Variants in CDH12 observed in about 807,000 individuals in gnomAD.
The protein encoded by CDH12 is cadherin 12, also known as cadherin-12.
CDH12 carries 41 observed loss-of-function variants against 74.1 expected under a neutral mutation model. That is an observed-to-expected ratio of 0.55 (90% CI 0.43 to 0.72). The LOEUF (loss-of-function observed/expected upper bound fraction) is 0.72, where lower values mean the gene tolerates loss of function less well. Among genes scored for constraint, CDH12 ranks in the 30% least tolerant of loss-of-function variants. The pLI, the probability that CDH12 is intolerant of heterozygous loss-of-function variation, is 0.00. For synonymous variants in CDH12, 399 were observed against 355.0 expected (o/e 1.12, Z -1.39); for missense variants, 945 against 977.2 (o/e 0.97, Z 0.44).
At chr5:22,061,874 A>G (rs1437080547) in intron 5 of CDH12, among the ~76,000 whole-genome samples, 3 of 152,152 alleles carry the variant, frequency 2.0e-5, no homozygotes, top group Admixed American at 6.6e-5. Context: ...ACATGTGCAT[A>G]AGTGCTTTCA....
rs76232511 is a variant in CDH12, at chr5:22,459,481, T to A, written c.-428+45789A>T. ...AAATTTACTGTGTGAGACAAGAGTA[T>A]GTCAAAGAAATGTAAAGATTAGGAG... On this transcript the variant is annotated intron_variant, in intron 2 of 14. Coordinates refer to ENST00000382254, the MANE Select transcript of CDH12 (RefSeq NM_004061.5). 6.6e-4 allele frequency among the ~76,000 whole-genome samples: 100 copies of A among 152,272 alleles called. 1 individual carries two copies. In the East Asian group the frequency reaches 0.018, roughly 28 times the overall value.
chr5:22,594,289 C>T (rs1736487107), intron 1 of CDH12, among the ~76,000 whole-genome samples: 1 of 152,174 alleles, frequency 6.6e-6, no homozygotes, highest in Non-Finnish European at 1.5e-5. Context: ...GACAGCATGC[C>T]TGTGATGGGT....
At chr5:21,967,544 G>A (rs890567311) in intron 6 of CDH12, among the ~76,000 whole-genome samples, 3 of 152,044 alleles carry the variant, frequency 2.0e-5, no homozygotes, top group Non-Finnish European at 4.4e-5. Flanking sequence ...AATGCTTAGA[G>A]TCATTTGGTG....
At chr5:22,568,191 A>G (rs909604792) in intron 1 of CDH12, among the ~76,000 whole-genome samples, 5 of 152,208 alleles carry the variant, frequency 3.3e-5, no homozygotes, top group African/African-American at 1.2e-4. Flanking sequence ...GAAATTCTAC[A>G]CTAATGGGAG....
intron 3 of CDH12, among the ~76,000 whole-genome samples, chr5:22,403,386 T>G (rs1244267161): frequency 6.6e-6 from 1 of 152,202 alleles, no homozygotes; most frequent in Non-Finnish European, 1.5e-5. Context: ...TCCAGAGAAT[T>G]AATCAATCAA....
rs144422172 is a variant in CDH12 at position 22,617,153 on chromosome 5, A to C, written c.-522-111789T>G. 3.6e-3 allele frequency among the ~76,000 whole-genome samples: 550 copies of C among 152,022 alleles called. 1 individual carries two copies. The highest frequency in any genetic ancestry group is 0.01 in the African/African-American group (423 of 41,484). On this transcript the variant is annotated intron_variant, in intron 1 of 14. Coordinates refer to ENST00000382254, the MANE Select transcript of CDH12 (RefSeq NM_004061.5). ...CCTCCTAAAGTGCTGGGATTAAAGA[A>C]ATGAGCCACCATGCCTGGCTGGATT...
chr5:22,143,753 A>G (rs1434791189), intron 4 of CDH12: 1 of 152,224 alleles, frequency 6.6e-6, no homozygotes, highest in African/African-American at 2.4e-5. Flanking sequence ...AGTAGAAGAA[A>G]AAAAATCTTT....
At chr5:22,572,687 T>G (rs1353468294) in intron 1 of CDH12, among the ~76,000 whole-genome samples, 2 of 152,186 alleles carry the variant, frequency 1.3e-5, no homozygotes, top group Non-Finnish European at 2.9e-5. Flanking sequence ...TTTGGTTGAA[T>G]ACTGAAAGGG....
intron 3 of CDH12, among the ~76,000 whole-genome samples, chr5:22,365,505 T>C (rs1370833781): frequency 1.3e-5 from 2 of 152,174 alleles, no homozygotes; most frequent in African/African-American, 4.8e-5. Context: ...CTTAAGAAGA[T>C]AAATTATATA....
intron 11 of CDH12, among the ~76,000 whole-genome samples, chr5:21,777,666 T>G (rs1453333972): frequency 6.6e-6 from 1 of 152,050 alleles, no homozygotes; most frequent in East Asian, 1.9e-4. Context: ...AATTTTTGTG[T>G]TTTTAGTAGA....
At chr5:22,160,657 T>A (rs1319758175) in intron 4 of CDH12, among the ~76,000 whole-genome samples, 3 of 152,226 alleles carry the variant, frequency 2.0e-5, no homozygotes, top group Non-Finnish European at 4.4e-5. Flanking sequence ...GCTGATTTAG[T>A]GTCTGGTGAG....
At chr5:22,028,527 T>C (rs2150169917) in intron 5 of CDH12, among the ~76,000 whole-genome samples, 1 of 152,076 alleles carries the variant, frequency 6.6e-6, no homozygotes, top group East Asian at 1.9e-4. Flanking sequence ...TCAAAGAGAA[T>C]AAAATACCCA....
chr5:22,628,672 C>A (rs1490997080), intron 1 of CDH12, among the ~76,000 whole-genome samples: 4 of 152,074 alleles, frequency 2.6e-5, no homozygotes, highest in Non-Finnish European at 5.9e-5. Flanking sequence ...AACAACATAA[C>A]ATTACACTTA....
rs7731087 is a variant in CDH12, at chr5:22,793,939, A to G, written c.-523+59119T>C. Among the ~76,000 whole-genome samples the G allele has an allele frequency of 4.4e-3, 677 of 152,242 alleles. 5 individuals are homozygous for G. Among genetic ancestry groups the G allele is most frequent in the African/African-American group, 0.015 (639 of 41,520 alleles). ...TTGATATTAGCAATCTGCATGTCCT[A>G]TAAGAATCATCACAAGTTTTCTAGC... On this transcript the variant is annotated intron_variant, in intron 1 of 14. Coordinates refer to ENST00000382254, the MANE Select transcript of CDH12 (RefSeq NM_004061.5).
In CDH12 at chr5:21,752,243, C is replaced by A. The variant is rs1744136242; in HGVS notation, c.1886-7G>T. 1.3e-6 allele frequency: 2 copies of A among 1,565,434 alleles called. No homozygotes were observed. Among genetic ancestry groups the A allele is most frequent in the Non-Finnish European group, 1.7e-6 (2 of 1,157,108 alleles). ...ACATACAGTACAACTATGGCTGGAA[C>A]AAGACAAAAATTGCAATTTGAGAAT... On this transcript the variant is annotated splice_polypyrimidine_tract_variant and splice_region_variant and intron_variant, in intron 14 of 14. Transcript: ENST00000382254.
chr5:21,811,842 G>A (rs1747764878), intron 9 of CDH12, among the ~76,000 whole-genome samples: 1 of 150,962 alleles, frequency 6.6e-6, no homozygotes, highest in Non-Finnish European at 1.5e-5. Context: ...GCTTCATAAT[G>A]TTCCTCTGAA....
chr5:22,135,640 A>G (rs1746420482), intron 4 of CDH12, among the ~76,000 whole-genome samples: 1 of 152,024 alleles, frequency 6.6e-6, no homozygotes, highest in Non-Finnish European at 1.5e-5. Context: ...AGCATGTCTG[A>G]AGAATGAAGA....
At chr5:22,164,794 G>C (rs1411930690) in intron 4 of CDH12, among the ~76,000 whole-genome samples, 1 of 143,572 alleles carries the variant, frequency 7.0e-6, no homozygotes, top group Non-Finnish European at 1.5e-5. Context: ...TGCAAGCCCC[G>C]TGTTTAAAGG....
chr5:22,760,390 G>A (rs1014355373), intron 1 of CDH12, among the ~76,000 whole-genome samples: 11 of 152,062 alleles, frequency 7.2e-5, no homozygotes, highest in African/African-American at 2.7e-4. Flanking sequence ...TTTGAAAAAA[G>A]CGTAAATGGG....
Sources: allele counts gnomAD v4.1 joint callset (sites outside exome capture counted in the v4.1 genomes callset), GRCh38; gene constraint gnomAD v4.1.1; transcripts MANE v1.5; gene names NCBI Gene and HGNC (gene_info 2026-07-23, HGNC 2026-07-21).